Variants in THSD7B observed in about 807,000 individuals in gnomAD.
THSD7B encodes thrombospondin type 1 domain containing 7B, also known as thrombospondin type-1 domain-containing protein 7B.
In THSD7B, 138 loss-of-function variants were observed where a neutral mutation model predicts 213.6. The ratio of observed to expected loss-of-function variants is 0.65; its 90% CI spans 0.56 to 0.74. The LOEUF is 0.74. Among genes scored for constraint, THSD7B ranks in the 30% least tolerant of loss-of-function variants. The pLI, the probability that THSD7B is intolerant of heterozygous loss-of-function variation, is 0.00. For synonymous variants in THSD7B, 742 were observed against 687.0 expected, an observed-to-expected ratio of 1.08 and a Z score of -1.25; for missense variants, 1,931 against 1,991.5, an observed-to-expected ratio of 0.97 and a Z score of 0.58.
chr2:136,804,185 T>C (rs1435620867), intron 1 of THSD7B, among the ~76,000 whole-genome samples: 1 of 152,202 alleles, frequency 6.6e-6, no homozygotes, highest in African/African-American at 2.4e-5. Flanking sequence ...CTGTGAATAC[T>C]GCCTTGGTCA....
chr2:136,886,835 A>G (rs139258962), intron 2 of THSD7B, among the ~76,000 whole-genome samples: 20 of 152,150 alleles, frequency 1.3e-4, no homozygotes, highest in African/African-American at 4.6e-4. Flanking sequence ...TGGGCATGCT[A>G]CACTTTTGAT....
At chr2:137,133,973 A>C in intron 5 of THSD7B, among the ~76,000 whole-genome samples, 1 of 152,126 alleles carries the variant, frequency 6.6e-6, no homozygotes, top group East Asian at 1.9e-4. Flanking sequence ...TCTAGATCTG[A>C]AGATTTTGAT....
At chr2:137,204,846 GA>G (rs1432807539) in intron 7 of THSD7B, among the ~76,000 whole-genome samples, 3 of 151,940 alleles carry the variant, frequency 2.0e-5, no homozygotes, top group Non-Finnish European at 4.4e-5. Flanking sequence ...TTATTGAAAG[GA>G]AAAAAAGTCG....
intron 2 of THSD7B, among the ~76,000 whole-genome samples, chr2:136,911,982 T>C (rs1684266798): frequency 6.6e-6 from 1 of 152,018 alleles, no homozygotes; most frequent in South Asian, 2.1e-4. Context: ...GATGGATTGA[T>C]GGGCTGTTGG....
chr2:136,833,359 GTC>G (rs1682788203), intron 1 of THSD7B, among the ~76,000 whole-genome samples: 1 of 24,958 alleles, frequency 4.0e-5, no homozygotes, highest in Non-Finnish European at 8.3e-5. Context: ...GCGAGACTCC[GTC>G]TCAAAAAAAA....
At chr2:137,565,449 C>T (rs1194136510) in intron 16 of THSD7B, among the ~76,000 whole-genome samples, 2 of 152,190 alleles carry the variant, frequency 1.3e-5, no homozygotes, top group Admixed American at 6.5e-5. Flanking sequence ...GCCAAGCTTG[C>T]TTTTACAACA....
intron 5 of THSD7B, among the ~76,000 whole-genome samples, chr2:137,136,149 G>A (rs1245430248): frequency 6.6e-6 from 1 of 152,082 alleles, no homozygotes; most frequent in Admixed American, 6.6e-5. Context: ...GGCCTGCTGG[G>A]GGGTGAGGGG....
At chr2:137,315,523 G>T (rs1201725199) in intron 12 of THSD7B, among the ~76,000 whole-genome samples, 1 of 152,042 alleles carries the variant, frequency 6.6e-6, no homozygotes, top group Non-Finnish European at 1.5e-5. Context: ...CAGCCATCTT[G>T]GCTCCTCCCC....
chr2:137,126,381 AC>A (rs1192091245), intron 5 of THSD7B, among the ~76,000 whole-genome samples: 1 of 151,994 alleles, frequency 6.6e-6, no homozygotes. Flanking sequence ...TTCACTTTGC[AC>A]CTTTTTGCTA....
At chr2:137,548,431 C>T (rs1680781877) in intron 15 of THSD7B, among the ~76,000 whole-genome samples, 1 of 151,922 alleles carries the variant, frequency 6.6e-6, no homozygotes, top group African/African-American at 2.4e-5. Context: ...ATGCTGAGAC[C>T]ATAGCAATGT....
At chr2:136,864,711 C>T (rs2558103) in intron 1 of THSD7B, among the ~76,000 whole-genome samples, 45,465 of 151,970 alleles carry the variant, frequency 0.3, 7,602 homozygotes, top group Non-Finnish European at 0.37. Context: ...AGCCACCATG[C>T]CCGGCTAGTT....
At chr2:137,221,973 A>G (rs1011258941) in intron 7 of THSD7B, among the ~76,000 whole-genome samples, 1 of 152,218 alleles carries the variant, frequency 6.6e-6, no homozygotes, top group African/African-American at 2.4e-5. Flanking sequence ...GAAATGAGTA[A>G]TATTATTTCT....
At chr2:137,173,741 T>G (rs74601437) in intron 7 of THSD7B, among the ~76,000 whole-genome samples, 1,856 of 152,250 alleles carry the variant, frequency 0.012, 33 homozygotes, top group African/African-American at 0.04. Flanking sequence ...AAACTGAAAA[T>G]GTGGTCTGGT....
At chr2:137,099,934 C>T (rs1688118630) in intron 4 of THSD7B, among the ~76,000 whole-genome samples, 1 of 152,032 alleles carries the variant, frequency 6.6e-6, no homozygotes, top group Non-Finnish European at 1.5e-5. Flanking sequence ...CCTTATTTTG[C>T]ATGGACTAGA....
intron 1 of THSD7B, among the ~76,000 whole-genome samples, chr2:136,841,343 C>T (rs1021458478): frequency 6.6e-6 from 1 of 151,906 alleles, no homozygotes; most frequent in Non-Finnish European, 1.5e-5. Flanking sequence ...TGACGGTAAT[C>T]CCAGCACTTT....
At chr2:137,584,011 T>C (rs1266905679) in intron 17 of THSD7B, among the ~76,000 whole-genome samples, 9 of 148,176 alleles carry the variant, frequency 6.1e-5, no homozygotes, top group African/African-American at 2.2e-4. Flanking sequence ...TTGTTTATTT[T>C]GTTGAGCAGT....
rs934079216 is a variant in THSD7B, at chr2:136,872,318, G to A, written c.-35-9826G>A. ...CCCATGGCTTCAAGCAGGCTCTGGCGACTCCAGGTGTTGCCTCTGTGATCT... is the reference window on the plus strand; with the variant it reads ...CCCATGGCTTCAAGCAGGCTCTGGCAACTCCAGGTGTTGCCTCTGTGATCT... On this transcript the variant is annotated intron_variant, in intron 1 of 27. Coordinates refer to ENST00000409968, the MANE Select transcript of THSD7B (RefSeq NM_001316349.2). Among the ~76,000 whole-genome samples the A allele has an allele frequency of 2.1e-5, 3 of 143,450 alleles. 1 individual carries two copies. Among genetic ancestry groups the A allele is most frequent in the South Asian group, 4.5e-4 (2 of 4,474 alleles). 94.1% of individuals were successfully genotyped at this position (143,450 alleles called of 152,430 possible).
intron 9 of THSD7B, among the ~76,000 whole-genome samples, chr2:137,240,374 A>T (rs900940816): frequency 6.6e-6 from 1 of 152,240 alleles, no homozygotes; most frequent in Non-Finnish European, 1.5e-5. Context: ...TAAGTTGATG[A>T]GGTCTGATGT....
chr2:137,668,537 A>C, intron 27 of THSD7B, among the ~76,000 whole-genome samples: 1 of 151,996 alleles, frequency 6.6e-6, no homozygotes, highest in East Asian at 1.9e-4. Flanking sequence ...GAATATATTT[A>C]AGTTGATGAA....
Sources: allele counts gnomAD v4.1 joint callset (sites outside exome capture counted in the v4.1 genomes callset), GRCh38; gene constraint gnomAD v4.1.1; transcripts MANE v1.5; gene names NCBI Gene and HGNC (gene_info 2026-07-23, HGNC 2026-07-21).